Variants in IFIT1 observed in about 807,000 individuals in gnomAD.
IFIT1 encodes the protein interferon induced protein with tetratricopeptide repeats 1.
In IFIT1, 1 loss-of-function variant was observed where a neutral mutation model predicts 2.5. The observed-to-expected ratio is 0.40, with a 90% confidence interval of 0.14 to 1.92. The LOEUF (loss-of-function observed/expected upper bound fraction) is 1.92, where lower values mean the gene tolerates loss of function less well. Among genes scored for constraint, IFIT1 ranks in the 40% most tolerant of loss-of-function variants. The probability of loss-of-function intolerance (pLI) is 0.31; values close to 1 mark genes in which losing one functional copy is unlikely to be tolerated. For synonymous variants in IFIT1, 191 were observed against 201.7 expected (o/e 0.95, Z 0.45); for missense variants, 508 against 557.8 (o/e 0.91, Z 0.90).
rs1333906332 is a variant in IFIT1, at chr10:89,394,619, TATATATATAA to T, written c.5+1904_5+1913del. Among the ~76,000 whole-genome samples, 271 of 29,002 alleles carry T rather than the reference TATATATATAA, an allele frequency of 9.3e-3. 23 individuals are homozygous for T. The highest frequency in any genetic ancestry group is 0.057 in the African/African-American group (225 of 3,926). 19.0% of individuals were successfully genotyped at this position (29,002 alleles called of 152,430 possible). ...ATATATATATATATATATATATATATATATATATAAAACTTGAATTTTATTCAGGTTAGCA... is the reference window on the plus strand; with the variant it reads ...ATATATATATATATATATATATATATAACTTGAATTTTATTCAGGTTAGCA... On this transcript the variant is annotated intron_variant, in intron 1 of 1. Transcript: ENST00000371804.
At chr10:89,396,110 C>T (rs1376889376) in intron 1 of IFIT1, among the ~76,000 whole-genome samples, 1 of 152,080 alleles carries the variant, frequency 6.6e-6, no homozygotes, top group Non-Finnish European at 1.5e-5. Context: ...TGTGGAACAT[C>T]CAGGAATGTA....
chr10:89,398,534 A>T (rs1261359092), intron 1 of IFIT1, among the ~76,000 whole-genome samples: 1 of 152,162 alleles, frequency 6.6e-6, no homozygotes, highest in Non-Finnish European at 1.5e-5. Flanking sequence ...TCTGTGGGAC[A>T]GACCCGGCAC....
rs147124815 is a variant in IFIT1 at position 89,403,091 on chromosome 10, G to A, written c.816G>A (p.Glu272=). 5 of 1,614,172 alleles carry A rather than the reference G, an allele frequency of 3.1e-6. No individual in the cohort carries two copies. The highest frequency in any genetic ancestry group is 4.2e-6 in the Non-Finnish European group (5 of 1,180,038). The change falls in exon 2 of 2, where the codon GAG becomes GAA. Residue 272 remains glutamate, a synonymous_variant. Coordinates refer to ENST00000371804, the MANE Select transcript of IFIT1 (RefSeq NM_001548.5). ...RRKGSVDKAL[E]LLKKALQETP... is the part of the protein sequence containing the mutation. ...AAGGCTCTGTGGATAAAGCTCTTGAGTTATTAAAAAAGGCCTTGCAGGAAA... is the reference window on the plus strand; with the variant it reads ...AAGGCTCTGTGGATAAAGCTCTTGAATTATTAAAAAAGGCCTTGCAGGAAA...
In IFIT1 at chr10:89,401,506, G is replaced by A. The variant is rs1564809810; in HGVS notation, c.6-775G>A. On this transcript the variant is annotated intron_variant, in intron 1 of 1. Coordinates refer to ENST00000371804, the MANE Select transcript of IFIT1 (RefSeq NM_001548.5). ...GGGTTAGGGGAGTACAGGTGAGGAGGTGACAGATGTGACCATAAAGGGGTA... is the reference window on the plus strand; with the variant it reads ...GGGTTAGGGGAGTACAGGTGAGGAGATGACAGATGTGACCATAAAGGGGTA... 2.6e-5 allele frequency among the ~76,000 whole-genome samples: 4 copies of A among 152,234 alleles called. No individual in the cohort carries two copies. In the South Asian group the frequency reaches 6.2e-4, roughly 24 times the overall value.
At chr10:89,392,828 C>T in intron 1 of IFIT1, 111 bp downstream of exon 1, 1 of 1,095,674 alleles carries the variant, frequency 9.1e-7, no homozygotes, top group South Asian at 1.3e-5. Flanking sequence ...TCTAATTCCT[C>T]GATTTGAGTA....
chr10:89,395,774 G>A (rs1397793952), intron 1 of IFIT1, among the ~76,000 whole-genome samples: 1 of 152,042 alleles, frequency 6.6e-6, no homozygotes, highest in Non-Finnish European at 1.5e-5. Flanking sequence ...AGGCAGGGCT[G>A]TAGATTGTAG....
At position 89,394,604 on chromosome 10, in the gene IFIT1, A is replaced by ATATATATATATATATATTT. The variant is rs1564807734; in HGVS notation, c.5+1904_5+1905insTTTATATATATATATATAT. On this transcript the variant is annotated intron_variant, in intron 1 of 1. Coordinates refer to ENST00000371804, the MANE Select transcript of IFIT1 (RefSeq NM_001548.5). ...TATATATATATATATATATATATAT[A>ATATATATATATATATATTT]TATATATATATATATATATATATAA... is the stretch of plus-strand genomic sequence containing the variant. 1.7e-4 allele frequency among the ~76,000 whole-genome samples: 8 copies of ATATATATATATATATATTT among 48,140 alleles called. No individual in the cohort carries two copies. In the African/African-American group the frequency reaches 1.8e-3, roughly 11 times the overall value. 31.6% of individuals were successfully genotyped at this position (48,140 alleles called of 152,430 possible).
chr10:89,400,987 G>T (rs372258270), intron 1 of IFIT1, among the ~76,000 whole-genome samples: 1 of 150,696 alleles, frequency 6.6e-6, no homozygotes, highest in East Asian at 1.9e-4. Context: ...GTTGAATTTT[G>T]TCAAATGCTT....
intron 1 of IFIT1, among the ~76,000 whole-genome samples, chr10:89,393,547 A>G (rs1844289851): frequency 6.6e-6 from 1 of 152,232 alleles, no homozygotes; most frequent in Non-Finnish European, 1.5e-5. Context: ...ATCCTGGCCA[A>G]CATGGTGAAA....
Position 89,402,837 on chromosome 10 carries a change from C to G in IFIT1, c.562C>G (p.Leu188Val). The G allele has an allele frequency of 6.2e-7, 1 of 1,614,200 alleles. No individual in the cohort carries two copies. The highest frequency in any genetic ancestry group is 8.5e-7 in the Non-Finnish European group (1 of 1,180,046). ...SAGYAISAYR[L>V]DGFKLATKNH... ...TGGGTATGCGATCTCTGCCTATCGCCTGGATGGCTTTAAATTAGCCACAAA... is the reference window on the plus strand; with the variant it reads ...TGGGTATGCGATCTCTGCCTATCGCGTGGATGGCTTTAAATTAGCCACAAA... The change falls in exon 2 of 2, where the codon CTG (leucine) becomes GTG (valine). Residue 188 changes from leucine to valine, a missense_variant. Transcript: ENST00000371804.
rs1241606049 is a variant in IFIT1, at chr10:89,405,912, T to TA, written c.*2201dup. ...ACGATTGCGGGGGGGGCATTATTCT[T>TA]ACCACAGAGCACCCCAAGAAAATCT... is the stretch of plus-strand genomic sequence containing the variant. On this transcript the variant is annotated 3_prime_UTR_variant, in exon 2 of 2. Transcript: ENST00000371804. The TA allele has an allele frequency of 6.6e-6, 1 of 152,198 alleles. No individual in the cohort carries two copies. Among genetic ancestry groups the TA allele is most frequent in the Admixed American group, 6.5e-5 (1 of 15,278 alleles). The allele number at this position is 152,198 out of a possible 1,614,324, so 9.4% of individuals were successfully genotyped here.
intron 1 of IFIT1, chr10:89,393,476 T>C (rs1844288708): frequency 5.1e-6 from 2 of 393,118 alleles, no homozygotes; most frequent in East Asian, 1.6e-4. Context: ...CTCATGCTTG[T>C]AATCCCAGCA....
At position 89,392,728 on chromosome 10, in the gene IFIT1, C is replaced by A; in HGVS notation, c.5+11C>A. 3 of 1,613,866 alleles carry A rather than the reference C, an allele frequency of 1.9e-6. No homozygotes were observed. Among genetic ancestry groups the A allele is most frequent in the Non-Finnish European group, 2.5e-6 (3 of 1,179,778 alleles). The stretch of plus-strand genomic sequence containing the variant: ...TACAGCAACCATGAGGTAAGGATTT[C>A]TTTGCTCCTCTGCCATAATGTCTAA... On this transcript the variant is annotated intron_variant, in intron 1 of 1. Coordinates refer to ENST00000371804, the MANE Select transcript of IFIT1 (RefSeq NM_001548.5).
At position 89,394,629 on chromosome 10, in the gene IFIT1, A is replaced by ATAT. The variant is rs1429080862; in HGVS notation, c.5+1912_5+1913insTAT. On this transcript the variant is annotated intron_variant, in intron 1 of 1. Coordinates refer to ENST00000371804, the MANE Select transcript of IFIT1 (RefSeq NM_001548.5). ...ATATATATATATATATATATATATAAAACTTGAATTTTATTCAGGTTAGCA... is the reference window on the plus strand; with the variant it reads ...ATATATATATATATATATATATATAATATAACTTGAATTTTATTCAGGTTAGCA... Among the ~76,000 whole-genome samples the ATAT allele has an allele frequency of 3.9e-3, 101 of 26,226 alleles. 14 individuals are homozygous for ATAT. The highest frequency in any genetic ancestry group is 0.016 in the African/African-American group (93 of 5,920). 17.2% of individuals were successfully genotyped at this position (26,226 alleles called of 152,430 possible).
intron 1 of IFIT1, among the ~76,000 whole-genome samples, chr10:89,396,587 G>A (rs1255862941): frequency 6.6e-6 from 1 of 152,120 alleles, no homozygotes; most frequent in Non-Finnish European, 1.5e-5. Context: ...AATGGCACCA[G>A]GTCATTCACG....
At chr10:89,396,082 C>T (rs1176117264) in intron 1 of IFIT1, among the ~76,000 whole-genome samples, 1 of 152,116 alleles carries the variant, frequency 6.6e-6, no homozygotes. Context: ...TTTTAAGTAT[C>T]TTAAGTATAT....
At position 89,392,700 on chromosome 10, in the gene IFIT1, A is replaced by G. The variant is rs1296737807; in HGVS notation, c.-13A>G. The G allele has an allele frequency of 3.1e-6, 5 of 1,614,112 alleles. No individual in the cohort carries two copies. The highest frequency in any genetic ancestry group is 3.4e-6 in the Non-Finnish European group (4 of 1,179,964). Reference sequence around the variant, plus strand: ...CAAAACCCTGCAGAACGGCTGCCTAATTTACAGCAACCATGAGGTAAGGAT... The same window carrying G: ...CAAAACCCTGCAGAACGGCTGCCTAGTTTACAGCAACCATGAGGTAAGGAT... On this transcript the variant is annotated 5_prime_UTR_variant, in exon 1 of 2. Coordinates refer to ENST00000371804, the MANE Select transcript of IFIT1 (RefSeq NM_001548.5).
At position 89,405,342 on chromosome 10, in the gene IFIT1, AATCAT is replaced by A. The variant is rs1241142474; in HGVS notation, c.*1633_*1637del. On this transcript the variant is annotated 3_prime_UTR_variant, in exon 2 of 2. Coordinates refer to ENST00000371804, the MANE Select transcript of IFIT1 (RefSeq NM_001548.5). The stretch of plus-strand genomic sequence containing the variant: ...GTAACAATCACCTTTGATTATGAAT[AATCAT>A]ATTTTATTGAAAGGCAAGGCACAAC... 5.3e-5 allele frequency: 8 copies of A among 152,252 alleles called. No homozygotes were observed. Among genetic ancestry groups the A allele is most frequent in the African/African-American group, 1.9e-4 (8 of 41,472 alleles). 9.4% of individuals were successfully genotyped at this position (152,252 alleles called of 1,614,324 possible). A position where few individuals can be genotyped will look rare whatever the true frequency, so the allele number is the denominator to read the frequency against.
At chr10:89,401,556 G>C (rs404378) in intron 1 of IFIT1, among the ~76,000 whole-genome samples, 1 of 152,136 alleles carries the variant, frequency 6.6e-6, no homozygotes, top group African/African-American at 2.4e-5. Context: ...TGGTAGTGAA[G>C]AGGAGTTTCG....
Sources: allele counts gnomAD v4.1 joint callset (sites outside exome capture counted in the v4.1 genomes callset), GRCh38; gene constraint gnomAD v4.1.1; transcripts MANE v1.5; gene names NCBI Gene and HGNC (gene_info 2026-07-23, HGNC 2026-07-21).